TBC1D5: variants seen among roughly 807,000 people sequenced by gnomAD.
TBC1D5 encodes TBC1 domain family member 5, also known as TBC1 domain family, member 5.
In TBC1D5, 75 loss-of-function variants were observed where a neutral mutation model predicts 100.3. That is an observed-to-expected ratio of 0.75 (90% CI 0.62 to 0.91). The LOEUF (loss-of-function observed/expected upper bound fraction) is 0.91, where lower values mean the gene tolerates loss of function less well. Among genes scored for constraint, TBC1D5 ranks in the 40% least tolerant of loss-of-function variants. The pLI, the probability that TBC1D5 is intolerant of heterozygous loss-of-function variation, is 0.00. For synonymous variants in TBC1D5, 323 were observed against 325.6 expected, an observed-to-expected ratio of 0.99 and a Z score of 0.09; for missense variants, 910 against 942.4, an observed-to-expected ratio of 0.97 and a Z score of 0.45.
Position 17,166,780 on chromosome 3 carries a change from CCT to C in TBC1D5, c.2079_2080del (p.Ala695HisfsTer2). ...GAGTTTCTGTACCTGTTTAATGGCCCCTGACATTTGAACGCTCTGGCCTTGGC... is the reference window on the plus strand; with the variant it reads ...GAGTTTCTGTACCTGTTTAATGGCCCGACATTTGAACGCTCTGGCCTTGGC... On this transcript the variant is annotated frameshift_variant, in exon 21 of 22. Coordinates refer to ENST00000253692, the Ensembl canonical transcript of TBC1D5. LOFTEE classifies it high-confidence loss of function. 2 of 1,609,900 alleles carry C rather than the reference CCT, an allele frequency of 1.2e-6. No homozygotes were observed. The highest frequency in any genetic ancestry group is 1.7e-6 in the Non-Finnish European group (2 of 1,178,834).
At position 17,249,951 on chromosome 3, in the gene TBC1D5, A is replaced by C. The variant is rs565846476; in HGVS notation, c.1331+8555T>G. Among the ~76,000 whole-genome samples the C allele has an allele frequency of 7.9e-4, 120 of 152,362 alleles. 1 individual carries two copies. Among genetic ancestry groups the C allele is most frequent in the Non-Finnish European group, 1.3e-3 (86 of 68,036 alleles). Reference sequence around the variant, plus strand: ...ATCATCTTAACAGGTATAATACTGAATACATATGAAATAGTGCTAGAATTA... The same window carrying C: ...ATCATCTTAACAGGTATAATACTGACTACATATGAAATAGTGCTAGAATTA... On this transcript the variant is annotated intron_variant, in intron 16 of 21. Coordinates refer to ENST00000253692, the Ensembl canonical transcript of TBC1D5.
chr3:17,529,203 C>T (rs1490343198), intron 2 of TBC1D5, among the ~76,000 whole-genome samples: 3 of 152,174 alleles, frequency 2.0e-5, no homozygotes, highest in African/African-American at 7.2e-5. Context: ...CTTTAGCCAC[C>T]AACCTGGCTC....
At chr3:17,563,956 G>GT (rs2096576783) in intron 2 of TBC1D5, among the ~76,000 whole-genome samples, 1 of 152,036 alleles carries the variant, frequency 6.6e-6, no homozygotes, top group Non-Finnish European at 1.5e-5. Flanking sequence ...CTAATTTTTT[G>GT]TATTTTTAGT....
chr3:17,180,793 G>A lies in TBC1D5; in HGVS notation c.1852+4316C>T, dbSNP rs570943373. 4.3e-4 allele frequency among the ~76,000 whole-genome samples: 65 copies of A among 151,872 alleles called. 1 individual carries two copies. The highest frequency in any genetic ancestry group is 7.8e-4 in the Non-Finnish European group (53 of 67,994). ...GAAAGGTGGGAGGGTGGTGAGGGAT[G>A]AGAAATCACTTAATGGGTACAATGT... On this transcript the variant is annotated intron_variant, in intron 19 of 21. Transcript: ENST00000253692.
intron 1 of TBC1D5, among the ~76,000 whole-genome samples, chr3:17,626,253 T>A (rs759833635): frequency 2.5e-4 from 38 of 152,186 alleles, no homozygotes; most frequent in Non-Finnish European, 5.4e-4. Flanking sequence ...TATAACTAAG[T>A]AGGTAATTAA....
intron 1 of TBC1D5, among the ~76,000 whole-genome samples, chr3:17,719,373 T>C (rs2153961040): frequency 6.6e-6 from 1 of 152,354 alleles, no homozygotes; most frequent in South Asian, 2.1e-4. Context: ...ATATTATTTA[T>C]TTCCCATAAG....
chr3:17,489,927 C>CT (rs1453061300), intron 3 of TBC1D5, among the ~76,000 whole-genome samples: 2 of 152,154 alleles, frequency 1.3e-5, no homozygotes, highest in African/African-American at 2.4e-5. Context: ...TTTGAGGACA[C>CT]TGTCTTCCAC....
At chr3:17,300,681 T>G (rs1181097505) in intron 14 of TBC1D5, among the ~76,000 whole-genome samples, 2 of 152,154 alleles carry the variant, frequency 1.3e-5, no homozygotes, top group Non-Finnish European at 2.9e-5. Context: ...AGGCAGGAAG[T>G]GGGTAGAAGT....
chr3:17,692,609 T>C (rs889128557), intron 1 of TBC1D5, among the ~76,000 whole-genome samples: 4 of 152,232 alleles, frequency 2.6e-5, no homozygotes, highest in African/African-American at 9.6e-5. Context: ...GCCAATCCAT[T>C]GGAGAGAAAA....
At chr3:17,336,851 G>T (rs911697730) in intron 13 of TBC1D5, among the ~76,000 whole-genome samples, 1 of 152,120 alleles carries the variant, frequency 6.6e-6, no homozygotes, top group South Asian at 2.1e-4. Flanking sequence ...AAAGAAATTT[G>T]GTATGTTTGA....
intron 1 of TBC1D5, among the ~76,000 whole-genome samples, chr3:17,732,850 ACT>A (rs1377141948): frequency 1.1e-4 from 17 of 152,124 alleles, no homozygotes; most frequent in African/African-American, 3.9e-4. Flanking sequence ...TTATAAGGAC[ACT>A]CAACTTTAAT....
intron 21 of TBC1D5, among the ~76,000 whole-genome samples, chr3:17,165,340 T>A (rs1242370061): frequency 6.6e-6 from 1 of 152,196 alleles, no homozygotes; most frequent in Non-Finnish European, 1.5e-5. Flanking sequence ...AACTAAAAAA[T>A]TATGCTAAAG....
At chr3:17,523,752 A>G (rs1028086297) in intron 2 of TBC1D5, among the ~76,000 whole-genome samples, 2 of 152,230 alleles carry the variant, frequency 1.3e-5, no homozygotes, top group Non-Finnish European at 1.5e-5. Context: ...ATTTTCACAT[A>G]TATCATGCAT....
At chr3:17,166,808 C>T in exon 21 of TBC1D5, 2 of 1,614,088 alleles carry the variant, frequency 1.2e-6, no homozygotes, top group South Asian at 2.2e-5. Context: ...TGGCCTTGGC[C>T]TCGGCCCTGG....
intron 2 of TBC1D5, among the ~76,000 whole-genome samples, chr3:17,623,404 C>G (rs552634577): frequency 6.6e-6 from 1 of 152,082 alleles, no homozygotes. Flanking sequence ...ATTCTTCCAT[C>G]GGAAAACAAT....
intron 2 of TBC1D5, among the ~76,000 whole-genome samples, chr3:17,571,858 C>T (rs1479385210): frequency 6.6e-6 from 1 of 152,048 alleles, no homozygotes; most frequent in Non-Finnish European, 1.5e-5. Flanking sequence ...ACAGCTTTCA[C>T]ACTTTCAGGA....
intron 2 of TBC1D5, among the ~76,000 whole-genome samples, chr3:17,536,023 C>T (rs905078662): frequency 9.9e-5 from 15 of 152,064 alleles, no homozygotes; most frequent in Non-Finnish European, 2.2e-4. Context: ...GTAAAAATTA[C>T]CTTTTAATGA....
intron 14 of TBC1D5, among the ~76,000 whole-genome samples, chr3:17,305,429 T>C (rs1223126723): frequency 1.3e-5 from 2 of 152,194 alleles, no homozygotes; most frequent in African/African-American, 4.8e-5. Context: ...TATTCTGGGA[T>C]AGCAGGTGTA....
At chr3:17,685,969 C>A (rs1338565014) in intron 1 of TBC1D5, among the ~76,000 whole-genome samples, 1 of 152,130 alleles carries the variant, frequency 6.6e-6, no homozygotes, top group Non-Finnish European at 1.5e-5. Context: ...GGGAAGTCGA[C>A]ATTATTAGTC....
Sources: allele counts gnomAD v4.1 joint callset (sites outside exome capture counted in the v4.1 genomes callset), GRCh38; gene constraint gnomAD v4.1.1; transcripts MANE v1.5; gene names NCBI Gene and HGNC (gene_info 2026-07-23, HGNC 2026-07-21).